The following PLCE1 variants were observed in gnomAD, a reference collection of about 807,000 sequenced individuals.
PLCE1 encodes the protein phospholipase C epsilon 1.
A neutral mutation model predicts 242.8 loss-of-function variants in PLCE1; 119 were observed. That is an observed-to-expected ratio of 0.49 (90% CI 0.42 to 0.57). PLCE1 has a LOEUF of 0.57. PLCE1 is among the 20% of genes least tolerant of loss of function. The pLI, the probability that PLCE1 is intolerant of heterozygous loss-of-function variation, is 0.00. For missense variants in PLCE1, 2,441 were observed against 2,788.8 expected (o/e 0.88, Z 2.81); for synonymous variants, 945 against 1,017.4 (o/e 0.93, Z 1.35).
At chr10:94,156,638 C>T (rs1276747617) in intron 3 of PLCE1, among the ~76,000 whole-genome samples, 4 of 152,146 alleles carry the variant, frequency 2.6e-5, no homozygotes, top group African/African-American at 7.2e-5. Flanking sequence ...TTTATTGAGG[C>T]TTCATCACCT....
At chr10:94,311,185 A>T (rs1220973171) in intron 27 of PLCE1, among the ~76,000 whole-genome samples, 3 of 152,136 alleles carry the variant, frequency 2.0e-5, no homozygotes, top group Non-Finnish European at 4.4e-5. Flanking sequence ...GAACCCCATC[A>T]TTTAGGGTTT....
chr10:94,093,090 G>C (rs1002638939), intron 2 of PLCE1, among the ~76,000 whole-genome samples: 1 of 152,146 alleles, frequency 6.6e-6, no homozygotes, highest in Admixed American at 6.5e-5. Context: ...GAGTTCTAAA[G>C]GAATTCAAGG....
intron 16 of PLCE1, among the ~76,000 whole-genome samples, chr10:94,268,598 C>CACT (rs1269891476): frequency 1.3e-5 from 2 of 152,164 alleles, no homozygotes; most frequent in African/African-American, 4.8e-5. Flanking sequence ...AGATAGAGAG[C>CACT]ACTTGCCTGG....
At chr10:94,259,221 C>CTGG in intron 13 of PLCE1, 71 bp downstream of exon 13, 1 of 1,456,470 alleles carries the variant, frequency 6.9e-7, no homozygotes, top group Non-Finnish European at 9.6e-7. Flanking sequence ...GGTCCAGTCA[C>CTGG]ACAAACTCTG....
chr10:94,274,221 C>CA (rs1229551670), intron 19 of PLCE1, among the ~76,000 whole-genome samples: 1 of 152,144 alleles, frequency 6.6e-6, no homozygotes, highest in Non-Finnish European at 1.5e-5. Context: ...ACCCTCGGCT[C>CA]AAAGGTCTGT....
chr10:94,292,662 C>T (rs949007810), intron 22 of PLCE1, among the ~76,000 whole-genome samples: 9 of 152,182 alleles, frequency 5.9e-5, no homozygotes, highest in Non-Finnish European at 1.2e-4. Context: ...TTAAACACTA[C>T]TCTATCCTGT....
At chr10:94,141,210 A>G (rs1475558855) in intron 3 of PLCE1, among the ~76,000 whole-genome samples, 1 of 152,174 alleles carries the variant, frequency 6.6e-6, no homozygotes, top group Non-Finnish European at 1.5e-5. Context: ...GGAGTGTGAC[A>G]CTACACCTGG....
intron 2 of PLCE1, among the ~76,000 whole-genome samples, chr10:94,088,595 A>C (rs2044935867): frequency 6.6e-6 from 1 of 152,208 alleles, no homozygotes; most frequent in African/African-American, 2.4e-5. Context: ...GCTTAAACAA[A>C]TACTGTCTTT....
At chr10:94,308,861 G>A (rs1311733840) in intron 27 of PLCE1, among the ~76,000 whole-genome samples, 162 bp downstream of exon 27, 4 of 152,122 alleles carry the variant, frequency 2.6e-5, no homozygotes, top group African/African-American at 4.8e-5. Context: ...AGCACTTTAC[G>A]TATATACTAA....
chr10:94,184,246 G>GC (rs1376913419), intron 4 of PLCE1, among the ~76,000 whole-genome samples: 1 of 152,068 alleles, frequency 6.6e-6, no homozygotes, highest in Non-Finnish European at 1.5e-5. Context: ...CCCTTCAACG[G>GC]CCCCCCTTTG....
intron 2 of PLCE1, among the ~76,000 whole-genome samples, chr10:94,065,846 G>A (rs2044181313): frequency 6.6e-6 from 1 of 152,152 alleles, no homozygotes; most frequent in African/African-American, 2.4e-5. Context: ...AATGTCCCAT[G>A]GCCATTTGAC....
chr10:94,237,081 A>G (rs1376030740), intron 7 of PLCE1, among the ~76,000 whole-genome samples: 1 of 152,240 alleles, frequency 6.6e-6, no homozygotes, highest in Non-Finnish European at 1.5e-5. Context: ...ACAATTCATT[A>G]TAAGTTTCAC....
chr10:94,035,883 G>T (rs990871918), intron 2 of PLCE1, among the ~76,000 whole-genome samples: 11 of 151,978 alleles, frequency 7.2e-5, no homozygotes, highest in African/African-American at 2.7e-4. Flanking sequence ...CTGTGTTTTG[G>T]TAATTACATA....
intron 2 of PLCE1, among the ~76,000 whole-genome samples, chr10:94,083,809 G>A (rs1289212024): frequency 3.9e-5 from 6 of 152,152 alleles, no homozygotes; most frequent in Non-Finnish European, 7.4e-5. Flanking sequence ...TGTTGGCCTC[G>A]GAAAATTTAT....
chr10:94,028,546 C>T (rs773162302), intron 1 of PLCE1, among the ~76,000 whole-genome samples: 38 of 152,050 alleles, frequency 2.5e-4, no homozygotes, highest in African/African-American at 7.7e-4. Context: ...ATTCAAGGGG[C>T]GGGGAATTAG....
intron 2 of PLCE1, among the ~76,000 whole-genome samples, chr10:94,128,979 A>G (rs962249733): frequency 6.6e-6 from 1 of 152,250 alleles, no homozygotes; most frequent in African/African-American, 2.4e-5. Context: ...ATGTATATGT[A>G]AAGCTTTCCT....
chr10:94,097,696 G>T (rs1281261147), intron 2 of PLCE1, among the ~76,000 whole-genome samples: 5 of 152,200 alleles, frequency 3.3e-5, no homozygotes, highest in Non-Finnish European at 5.9e-5. Flanking sequence ...CATTAAGCTT[G>T]GTGGTCTAGT....
At chr10:94,153,067 A>G (rs529215849) in intron 3 of PLCE1, among the ~76,000 whole-genome samples, 68 of 152,316 alleles carry the variant, frequency 4.5e-4, no homozygotes, top group Admixed American at 3.9e-4. Flanking sequence ...TTTTAAAAAT[A>G]TCAGATTGTT....
chr10:94,112,721 G>A (rs143122571), intron 2 of PLCE1, among the ~76,000 whole-genome samples: 3 of 152,152 alleles, frequency 2.0e-5, no homozygotes, highest in Non-Finnish European at 4.4e-5. Flanking sequence ...TGACTCTAAG[G>A]TGCAGCCAGT....
Sources: allele counts gnomAD v4.1 joint callset (sites outside exome capture counted in the v4.1 genomes callset), GRCh38; gene constraint gnomAD v4.1.1; transcripts MANE v1.5; gene names NCBI Gene and HGNC (gene_info 2026-07-23, HGNC 2026-07-21).